GUCY1A1: variants seen among roughly 807,000 people sequenced by gnomAD.
The protein encoded by GUCY1A1 is guanylate cyclase 1 soluble subunit alpha 1.
Under a neutral mutation model 64.5 loss-of-function variants are expected in GUCY1A1, and 48 were observed. The ratio of observed to expected loss-of-function variants is 0.74; its 90% CI spans 0.59 to 0.95. The LOEUF is 0.95. GUCY1A1 is among the 40% of genes least tolerant of loss of function. GUCY1A1 has a pLI of 0.00. For synonymous variants in GUCY1A1, 308 were observed against 303.4 expected, an observed-to-expected ratio of 1.02 and a Z score of -0.16; for missense variants, 804 against 825.3, an observed-to-expected ratio of 0.97 and a Z score of 0.32.
At chr4:155,725,501 A>G (rs189258119) in intron 9 of GUCY1A1, among the ~76,000 whole-genome samples, 1 of 152,164 alleles carries the variant, frequency 6.6e-6, no homozygotes, top group East Asian at 1.9e-4. Context: ...TTCTCTTTCA[A>G]TGTTAAGTGA....
rs1730270572 is a variant in GUCY1A1, at chr4:155,695,300, G to T, written c.-112-1456G>T. On this transcript the variant is annotated intron_variant, in intron 2 of 9. Coordinates refer to ENST00000506455, the MANE Select transcript of GUCY1A1 (RefSeq NM_001130682.3). Reference sequence around the variant, plus strand: ...ATGACTTACATGTGACAATTTACAGGCTGTTGCTTATGGGAACATATTAAG... The same window carrying T: ...ATGACTTACATGTGACAATTTACAGTCTGTTGCTTATGGGAACATATTAAG... 2.0e-5 allele frequency among the ~76,000 whole-genome samples: 3 copies of T among 151,914 alleles called. No homozygotes were observed. In the South Asian group the frequency reaches 6.2e-4, roughly 32 times the overall value.
Position 155,711,197 on chromosome 4 carries a change from G to A in GUCY1A1, c.1032G>A (p.Met344Ile), listed in dbSNP as rs1471685855. The A allele has an allele frequency of 3.1e-6, 5 of 1,613,134 alleles. No homozygotes were observed. Among genetic ancestry groups the A allele is most frequent in the Non-Finnish European group, 8.5e-7 (1 of 1,179,214 alleles). ...TFSGIMTMLN[M>I]QFVVRVRRWD... ...GCGGGATCATGACTATGTTGAATAT[G>A]CAGTTTGTTGTACGAGTGAGGAGAT... The change falls in exon 6 of 10, where the codon ATG (methionine) becomes ATA (isoleucine). Residue 344 changes from methionine to isoleucine, a missense_variant. Met to Ile is a conservative substitution (Grantham distance 10). Transcript: ENST00000506455.
At chr4:155,726,141 T>C (rs950306045) in intron 9 of GUCY1A1, among the ~76,000 whole-genome samples, 1 of 152,008 alleles carries the variant, frequency 6.6e-6, no homozygotes, top group South Asian at 2.1e-4. Context: ...ATGATATAGC[T>C]TTTTTCCTTT....
At chr4:155,689,064 G>A (rs1310131843) in intron 2 of GUCY1A1, among the ~76,000 whole-genome samples, 3 of 150,244 alleles carry the variant, frequency 2.0e-5, no homozygotes. Flanking sequence ...AGGGGATCTA[G>A]CATGCCTGCA....
At chr4:155,696,108 G>T (rs1730372079) in intron 2 of GUCY1A1, among the ~76,000 whole-genome samples, 1 of 152,086 alleles carries the variant, frequency 6.6e-6, no homozygotes, top group Non-Finnish European at 1.5e-5. Context: ...GTATGTTCTT[G>T]GGGATCAGGA....
At chr4:155,703,459 C>G (rs1260284581) in intron 3 of GUCY1A1, among the ~76,000 whole-genome samples, 1 of 152,146 alleles carries the variant, frequency 6.6e-6, no homozygotes, top group African/African-American at 2.4e-5. Flanking sequence ...ACTGGGGCAG[C>G]TGGGTGTGGA....
Position 155,731,622 on chromosome 4 carries a change from A to G in GUCY1A1, c.*1391A>G, listed in dbSNP as rs1438503234. 1 of 151,858 alleles carries G rather than the reference A, an allele frequency of 6.6e-6. No homozygotes were observed. The highest frequency in any genetic ancestry group is 1.5e-5 in the Non-Finnish European group (1 of 67,854). 9.4% of individuals were successfully genotyped at this position (151,858 alleles called of 1,614,324 possible). A position where few individuals can be genotyped will look rare whatever the true frequency, so the allele number is the denominator to read the frequency against. On this transcript the variant is annotated 3_prime_UTR_variant, in exon 10 of 10. Transcript: ENST00000506455. ...ATCTACATTTTGGTTGGGGATAAAG[A>G]TTTGATTTTAAAAACAGCTTGAATT... is the stretch of plus-strand genomic sequence containing the variant.
At chr4:155,676,138 A>C (rs4691841) in intron 2 of GUCY1A1, among the ~76,000 whole-genome samples, 13,139 of 140,668 alleles carry the variant, frequency 0.093, 945 homozygotes, top group South Asian at 0.25. Context: ...TGACACTTGG[A>C]CATAGCTTTT....
chr4:155,669,419 T>C (rs927768573), intron 2 of GUCY1A1, among the ~76,000 whole-genome samples: 7 of 152,150 alleles, frequency 4.6e-5, no homozygotes, highest in Middle Eastern at 3.5e-3. Context: ...CTTCTAGATA[T>C]TCAGGTATTA....
chr4:155,706,296 C>T (rs1013167353), intron 4 of GUCY1A1, among the ~76,000 whole-genome samples: 12 of 152,028 alleles, frequency 7.9e-5, no homozygotes, highest in Admixed American at 3.9e-4. Flanking sequence ...TAAGTGGTTC[C>T]TCTGTGCTTT....
At chr4:155,713,917 C>T (rs1391975325) in intron 7 of GUCY1A1, among the ~76,000 whole-genome samples, 1 of 152,090 alleles carries the variant, frequency 6.6e-6, no homozygotes, top group Admixed American at 6.5e-5. Flanking sequence ...AGTGAATCTG[C>T]CACTTCACTG....
intron 2 of GUCY1A1, among the ~76,000 whole-genome samples, chr4:155,692,487 G>A (rs958379438): frequency 3.3e-5 from 5 of 152,150 alleles, no homozygotes; most frequent in Non-Finnish European, 7.3e-5. Context: ...TGTAATAATA[G>A]CCATTCTGAC....
At chr4:155,687,754 C>A (rs575412760) in intron 2 of GUCY1A1, among the ~76,000 whole-genome samples, 2 of 152,280 alleles carry the variant, frequency 1.3e-5, no homozygotes, top group South Asian at 4.1e-4. Flanking sequence ...ACGCAGGGAG[C>A]AAACACAGGC....
At chr4:155,684,224 G>A (rs980975447) in intron 2 of GUCY1A1, among the ~76,000 whole-genome samples, 1 of 152,164 alleles carries the variant, frequency 6.6e-6, no homozygotes, top group South Asian at 2.1e-4. Context: ...TGTGGGTTTG[G>A]ATTTAATGGG....
Position 155,726,502 on chromosome 4 carries a change from C to T in GUCY1A1, c.1872-3528C>T, listed in dbSNP as rs188363224. On this transcript the variant is annotated intron_variant, in intron 9 of 9. Coordinates refer to ENST00000506455, the MANE Select transcript of GUCY1A1 (RefSeq NM_001130682.3). ...ACAAAATGCAGTTTTCTTTGGAGAGCTTTATTGATGATACATTAAATTCTG... is the reference window on the plus strand; with the variant it reads ...ACAAAATGCAGTTTTCTTTGGAGAGTTTTATTGATGATACATTAAATTCTG... Among the ~76,000 whole-genome samples the T allele has an allele frequency of 2.8e-3, 429 of 151,910 alleles. 1 individual carries two copies. Among genetic ancestry groups the T allele is most frequent in the Non-Finnish European group, 3.7e-3 (254 of 67,892 alleles).
chr4:155,686,436 G>A (rs1384636873), intron 2 of GUCY1A1, among the ~76,000 whole-genome samples: 1 of 152,210 alleles, frequency 6.6e-6, no homozygotes, highest in African/African-American at 2.4e-5. Context: ...AGCCAGGAGT[G>A]TGCCACTGCA....
In GUCY1A1 at chr4:155,708,262, A is replaced by C. The variant is rs774571126; in HGVS notation, c.344A>C (p.Glu115Ala). Residue 115 changes from glutamate (E) to alanine (A), a missense_variant, in exon 5 of 10, where the codon GAA becomes GCA. Glu to Ala is a moderately radical substitution (Grantham distance 107, BLOSUM62 -1). Coordinates refer to ENST00000506455, the MANE Select transcript of GUCY1A1 (RefSeq NM_001130682.3). The part of the protein sequence containing the change: ...SRKSLEREDF[E>A]KTIAEQAVAA... The stretch of plus-strand genomic sequence containing the variant: ...AAATCTTTGGAAAGAGAAGACTTTG[A>C]AAAAACAATTGCAGAGCAAGCAGTT... 6.4e-7 allele frequency: 1 copy of C among 1,554,584 alleles called. No homozygotes were observed. The highest frequency in any genetic ancestry group is 1.7e-5 in the Admixed American group (1 of 59,742).
intron 8 of GUCY1A1, among the ~76,000 whole-genome samples, chr4:155,719,451 C>T (rs972843212): frequency 2.6e-5 from 4 of 152,142 alleles, no homozygotes; most frequent in Non-Finnish European, 2.9e-5. Context: ...CTGGCAGACA[C>T]GAGCAGTCAA....
chr4:155,727,076 A>G (rs1391018798), intron 9 of GUCY1A1, among the ~76,000 whole-genome samples: 1 of 151,998 alleles, frequency 6.6e-6, no homozygotes, highest in East Asian at 1.9e-4. Flanking sequence ...GAACAAAGTG[A>G]ATAAAGGAAT....
Sources: gnomAD v4.1 joint callset for allele counts (sites outside exome capture counted in the v4.1 genomes callset) on GRCh38, gnomAD v4.1.1 for gene constraint, MANE v1.5 for transcripts, NCBI Gene and HGNC (gene_info 2026-07-23, HGNC 2026-07-21) for gene names.